Variants in DCAF12 observed in about 807,000 individuals in gnomAD.
The protein encoded by DCAF12 is DDB1 and CUL4 associated factor 12, also known as DDB1- and CUL4-associated factor 12.
A neutral mutation model predicts 52.8 loss-of-function variants in DCAF12; 28 were observed. The ratio of observed to expected loss-of-function variants is 0.53; its 90% CI spans 0.39 to 0.73. DCAF12 has a LOEUF of 0.73. DCAF12 is among the 30% of genes least tolerant of loss of function. The pLI, the probability that DCAF12 is intolerant of heterozygous loss-of-function variation, is 0.00. For missense variants in DCAF12, 425 were observed against 552.2 expected (o/e 0.77, Z 2.31); for synonymous variants, 196 against 215.5 (o/e 0.91, Z 0.79).
At chr9:34,119,325 G>A (rs1829136379) in intron 2 of DCAF12, among the ~76,000 whole-genome samples, 1 of 152,170 alleles carries the variant, frequency 6.6e-6, no homozygotes, top group Non-Finnish European at 1.5e-5. Context: ...ATGCAAGAAA[G>A]ATCACTCAGA....
In DCAF12 at chr9:34,089,435, G is replaced by C; in HGVS notation, c.1180C>G (p.Leu394Val). Reference protein sequence around the residue: ...KPRLAGENLKLTTGKGWLNHD... With the variant: ...KPRLAGENLKVTTGKGWLNHD... ...ACCAGCCAGCCTTTGCCAGTGGTTA[G>C]TTTCAGATTCTCCCCTGCTAGTCTG... Residue 394 changes from leucine (L) to valine (V), a missense_variant, in exon 8 of 9, where the codon CTA (leucine) becomes GTA (valine). Around this residue, in one of 3 missense-constraint regions of DCAF12, gnomAD observed 328 missense variants for 444.4 expected, o/e 0.74. Coordinates refer to ENST00000361264, the MANE Select transcript of DCAF12 (RefSeq NM_015397.4). 6.2e-7 allele frequency: 1 copy of C among 1,613,800 alleles called. No homozygotes were observed.
At position 34,086,608 on chromosome 9, in the gene DCAF12, T is replaced by C. The variant is rs1203603019; in HGVS notation, c.*1742A>G. 1 of 151,872 alleles carries C rather than the reference T, an allele frequency of 6.6e-6. No individual in the cohort carries two copies. The highest frequency in any genetic ancestry group is 2.4e-5 in the African/African-American group (1 of 41,370). The allele number at this position is 151,872 out of a possible 1,614,324, so 9.4% of individuals were successfully genotyped here. A position where few individuals can be genotyped will look rare whatever the true frequency, so the allele number is the denominator to read the frequency against. On this transcript the variant is annotated 3_prime_UTR_variant, in exon 9 of 9. Transcript: ENST00000361264. ...AAATCTACAGCCTGTAGTTTAATAA[T>C]AGAAAAAAAATTAAGACAATTAAAA...
At chr9:34,091,661 A>AAG (rs1554698965) in intron 7 of DCAF12, among the ~76,000 whole-genome samples, 2 of 148,476 alleles carry the variant, frequency 1.3e-5, no homozygotes, top group South Asian at 2.1e-4. Context: ...AAAAAAAAAA[A>AAG]CCACAAAAAA....
At chr9:34,121,340 A>G (rs941953330) in intron 2 of DCAF12, among the ~76,000 whole-genome samples, 2 of 152,162 alleles carry the variant, frequency 1.3e-5, no homozygotes, top group Non-Finnish European at 2.9e-5. Context: ...ATCCATCTGG[A>G]GCAAAGTGCT....
At chr9:34,124,874 G>T in intron 2 of DCAF12, 149 bp downstream of exon 2, 1 of 992,368 alleles carries the variant, frequency 1.0e-6, no homozygotes. Context: ...ACGAAAAGAG[G>T]AAGAAGTCAC....
intron 6 of DCAF12, chr9:34,096,255 C>T (rs1828733834): frequency 6.5e-6 from 1 of 153,030 alleles, no homozygotes; most frequent in Non-Finnish European, 1.5e-5. Flanking sequence ...GACACATGCC[C>T]ATAGTCTCAG....
At chr9:34,101,962 G>C (rs918937085) in intron 4 of DCAF12, among the ~76,000 whole-genome samples, 1 of 150,914 alleles carries the variant, frequency 6.6e-6, no homozygotes, top group Non-Finnish European at 1.5e-5. Flanking sequence ...GTTGCAGTGA[G>C]CTGAAATTGT....
intron 6 of DCAF12, among the ~76,000 whole-genome samples, chr9:34,095,372 CTTTTT>C (rs36066422): frequency 0.067 from 5,191 of 77,552 alleles, 150 homozygotes; most frequent in Non-Finnish European, 0.096. Context: ...CGCGCCAGGC[CTTTTT>C]TTTTTTTTTT....
chr9:34,099,610 T>A (rs1828794985), intron 4 of DCAF12, among the ~76,000 whole-genome samples: 1 of 151,854 alleles, frequency 6.6e-6, no homozygotes, highest in African/African-American at 2.4e-5. Flanking sequence ...TCCCTTTTTT[T>A]GGAGATGAAG....
At chr9:34,094,951 G>A (rs1267259253) in intron 6 of DCAF12, among the ~76,000 whole-genome samples, 1 of 152,136 alleles carries the variant, frequency 6.6e-6, no homozygotes, top group East Asian at 1.9e-4. Flanking sequence ...GTAATTTTAT[G>A]CAATATTTTA....
intron 2 of DCAF12, among the ~76,000 whole-genome samples, chr9:34,123,959 T>C (rs1289619988): frequency 6.6e-6 from 1 of 152,150 alleles, no homozygotes; most frequent in East Asian, 1.9e-4. Flanking sequence ...AAACGAAAGG[T>C]TGGCCCCAAC....
intron 2 of DCAF12, among the ~76,000 whole-genome samples, chr9:34,114,709 T>TG (rs901609441): frequency 6.6e-6 from 1 of 151,862 alleles, no homozygotes; most frequent in African/African-American, 2.4e-5. Flanking sequence ...CATTCTAGGA[T>TG]GGGGGGAAAG....
At chr9:34,089,913 T>G in intron 7 of DCAF12, 1 of 223,762 alleles carries the variant, frequency 4.5e-6, no homozygotes, top group East Asian at 9.6e-5. Context: ...CTCAACTCAC[T>G]CTGGGATCAT....
chr9:34,120,585 C>T (rs959661959), intron 2 of DCAF12, among the ~76,000 whole-genome samples: 1 of 150,712 alleles, frequency 6.6e-6, no homozygotes, highest in East Asian at 1.9e-4. Context: ...GCACAAGAAT[C>T]GCTTGAACCC....
chr9:34,089,316 G>A (rs1223535847), intron 8 of DCAF12, 96 bp downstream of exon 8: 19 of 1,354,678 alleles, frequency 1.4e-5, no homozygotes, highest in Non-Finnish European at 1.8e-5. Flanking sequence ...TAGTGAAAAA[G>A]TATGAGTAGA....
chr9:34,114,895 A>G (rs1829060934), intron 2 of DCAF12, among the ~76,000 whole-genome samples: 2 of 152,120 alleles, frequency 1.3e-5, no homozygotes, highest in South Asian at 4.1e-4. Flanking sequence ...TGGGCCCAGG[A>G]GGTCAAGGCT....
intron 6 of DCAF12, among the ~76,000 whole-genome samples, chr9:34,094,785 C>T (rs1256702690): frequency 6.6e-6 from 1 of 152,040 alleles, no homozygotes; most frequent in African/African-American, 2.4e-5. Flanking sequence ...CCACCTTGGC[C>T]TCCCAAAGTG....
At position 34,087,055 on chromosome 9, in the gene DCAF12, A is replaced by G. The variant is rs562823612; in HGVS notation, c.*1295T>C. 1 of 152,306 alleles carries G rather than the reference A, an allele frequency of 6.6e-6. No individual in the cohort carries two copies. The highest frequency in any genetic ancestry group is 2.4e-5 in the African/African-American group (1 of 41,576). 9.4% of individuals were successfully genotyped at this position (152,306 alleles called of 1,614,324 possible). Reference sequence around the variant, plus strand: ...CCTGCAAGTTTAAAAACCTCAGACTAAACAGACAGTTCAAGGGAGGAACAG... The same window carrying G: ...CCTGCAAGTTTAAAAACCTCAGACTGAACAGACAGTTCAAGGGAGGAACAG... On this transcript the variant is annotated 3_prime_UTR_variant, in exon 9 of 9. Coordinates refer to ENST00000361264, the MANE Select transcript of DCAF12 (RefSeq NM_015397.4).
intron 2 of DCAF12, among the ~76,000 whole-genome samples, chr9:34,118,026 C>A (rs766679400): frequency 4.6e-5 from 7 of 152,172 alleles, no homozygotes; most frequent in Non-Finnish European, 7.4e-5. Flanking sequence ...TGATACCAAT[C>A]TGAAAAATGA....
Sources: gnomAD v4.1 joint callset for allele counts (sites outside exome capture counted in the v4.1 genomes callset) on GRCh38, gnomAD v4.1.1 for gene constraint, gnomAD v4.1.1 regional missense constraint, MANE v1.5 for transcripts, NCBI Gene and HGNC (gene_info 2026-07-23, HGNC 2026-07-21) for gene names.